The following MAU2 variants were observed in gnomAD, a reference collection of about 807,000 sequenced individuals.
MAU2 encodes the protein MAU2 sister chromatid cohesion factor.
In MAU2, 9 loss-of-function variants were observed where a neutral mutation model predicts 89.1. That is an observed-to-expected ratio of 0.10 (90% CI 0.06 to 0.18). MAU2 has a LOEUF of 0.18. MAU2 is among the 10% of genes least tolerant of loss of function. The probability of loss-of-function intolerance (pLI) is 1.00; values close to 1 mark genes in which losing one functional copy is unlikely to be tolerated. For synonymous variants in MAU2, 357 were observed against 343.4 expected, an observed-to-expected ratio of 1.04 and a Z score of -0.44; for missense variants, 425 against 803.5, an observed-to-expected ratio of 0.53 and a Z score of 5.69.
chr19:19,335,615 C>T, intron 1 of MAU2, 103 bp from the exon 2 acceptor site: 3 of 1,164,594 alleles, frequency 2.6e-6, no homozygotes, highest in Non-Finnish European at 3.9e-6. Context: ...GGATACCTGG[C>T]AGCCTCTGTT....
At chr19:19,321,216 G>T (rs1372982432) in intron 1 of MAU2, 81 bp downstream of exon 1, 9 of 1,389,838 alleles carry the variant, frequency 6.5e-6, no homozygotes, top group East Asian at 2.9e-5. Context: ...CGCGGCGGGT[G>T]GGGGGCCGCT....
chr19:19,347,562 G>C (rs1404133486), intron 13 of MAU2, 196 bp downstream of exon 13: 5 of 565,642 alleles, frequency 8.8e-6, no homozygotes, highest in Non-Finnish European at 1.6e-5. Flanking sequence ...GGCCAGGTCT[G>C]GGACAAAAAC....
chr19:19,338,818 A>C lies in MAU2; in HGVS notation c.457-27A>C, dbSNP rs773540131. The C allele has an allele frequency of 3.2e-6, 5 of 1,575,168 alleles. No individual in the cohort carries two copies. In the Admixed American group the frequency reaches 8.7e-5, roughly 27 times the overall value. Reference sequence around the variant, plus strand: ...CGTAAAACTGATGGGTTTGGCAGCAAAGGTCACTGCTCTCTTTCCTTTTTA... The same window carrying C: ...CGTAAAACTGATGGGTTTGGCAGCACAGGTCACTGCTCTCTTTCCTTTTTA... On this transcript the variant is annotated intron_variant, in intron 4 of 18. Transcript: ENST00000262815.
chr19:19,322,499 T>A (rs2061469525), intron 1 of MAU2, among the ~76,000 whole-genome samples: 1 of 152,174 alleles, frequency 6.6e-6, no homozygotes, highest in Non-Finnish European at 1.5e-5. Flanking sequence ...CTCCAGAGGC[T>A]GAGGTGGGAG....
chr19:19,349,308 C>T lies in MAU2; in HGVS notation c.1437-17C>T, dbSNP rs1209361195. The T allele has an allele frequency of 1.2e-6, 2 of 1,613,986 alleles. No individual in the cohort carries two copies. The highest frequency in any genetic ancestry group is 4.5e-5 in the East Asian group (2 of 44,882). ...GCCCCGTCCTGCAGTTATCAGCGTC[C>T]ATGTTCTCCTTGTCAGGCGATTTCT... is the stretch of plus-strand genomic sequence containing the variant. On this transcript the variant is annotated splice_polypyrimidine_tract_variant and intron_variant, in intron 15 of 18. Coordinates refer to ENST00000262815, the MANE Select transcript of MAU2 (RefSeq NM_015329.4).
chr19:19,330,311 C>T (rs1420959419), intron 1 of MAU2, among the ~76,000 whole-genome samples: 1 of 151,480 alleles, frequency 6.6e-6, no homozygotes, highest in Non-Finnish European at 1.5e-5. Context: ...AAAACAACAA[C>T]AGGCCAGGCA....
Position 19,330,029 on chromosome 19 carries a change from G to A in MAU2, c.277-5689G>A, listed in dbSNP as rs527924090. Among the ~76,000 whole-genome samples the A allele has an allele frequency of 9.0e-4, 136 of 151,510 alleles. 1 individual carries two copies. Among genetic ancestry groups the A allele is most frequent in the African/African-American group, 3.1e-3 (128 of 41,388 alleles). ...AAGTCTCACTCTGTCACCCAGGCTGGAGTGCAGTGGCGCAATCTTAGCTCC... is the reference window on the plus strand; with the variant it reads ...AAGTCTCACTCTGTCACCCAGGCTGAAGTGCAGTGGCGCAATCTTAGCTCC... On this transcript the variant is annotated intron_variant, in intron 1 of 18. Transcript: ENST00000262815.
At chr19:19,347,008 CA>C (rs2061698444) in intron 12 of MAU2, 2 of 420,914 alleles carry the variant, frequency 4.8e-6, no homozygotes, top group Non-Finnish European at 4.3e-6. Context: ...GAAAATGGAC[CA>C]AAACCCGACA....
intron 1 of MAU2, among the ~76,000 whole-genome samples, chr19:19,330,667 G>A (rs1447331825): frequency 6.6e-6 from 1 of 152,136 alleles, no homozygotes; most frequent in Non-Finnish European, 1.5e-5. Flanking sequence ...TTGAACCCGG[G>A]AGCCGGAGGG....
intron 10 of MAU2, chr19:19,344,181 G>T: frequency 2.1e-6 from 1 of 484,000 alleles, no homozygotes. Flanking sequence ...GGAGGCCGAG[G>T]CGGGTGGATC....
At chr19:19,332,161 T>C (rs1477583093) in intron 1 of MAU2, among the ~76,000 whole-genome samples, 1 of 152,118 alleles carries the variant, frequency 6.6e-6, no homozygotes, top group Non-Finnish European at 1.5e-5. Context: ...TCAAACATCA[T>C]GGGGCTTTTT....
intron 1 of MAU2, chr19:19,334,562 C>G: frequency 1.0e-6 from 1 of 985,630 alleles, no homozygotes; most frequent in Non-Finnish European, 1.2e-6. Context: ...TGAATACTCT[C>G]TGCTGCATCC....
chr19:19,327,394 C>G (rs1240942354), intron 1 of MAU2, among the ~76,000 whole-genome samples: 1 of 151,880 alleles, frequency 6.6e-6, no homozygotes, highest in Non-Finnish European at 1.5e-5. Flanking sequence ...GGCGCGATCT[C>G]GGCTCACTGC....
intron 1 of MAU2, among the ~76,000 whole-genome samples, chr19:19,324,292 G>A (rs568148247): frequency 4.7e-4 from 72 of 152,262 alleles, no homozygotes; most frequent in African/African-American, 1.6e-3. Context: ...AGAACCACTC[G>A]GGGGGTCAGG....
intron 13 of MAU2, chr19:19,348,609 C>T: frequency 1.7e-6 from 1 of 572,756 alleles, no homozygotes; most frequent in East Asian, 3.0e-5. Flanking sequence ...CCAGGCCAGC[C>T]CCTCAGCACC....
chr19:19,342,461 A>G, intron 7 of MAU2, 74 bp from the exon 8 acceptor site: 3 of 1,495,718 alleles, frequency 2.0e-6, no homozygotes, highest in Middle Eastern at 2.0e-4. Context: ...AGGAAGGAGC[A>G]GGGGTGGCTG....
chr19:19,347,595 T>C lies in MAU2; in HGVS notation c.1308+229T>C, dbSNP rs1350758754. On this transcript the variant is annotated intron_variant, in intron 13 of 18. Coordinates refer to ENST00000262815, the MANE Select transcript of MAU2 (RefSeq NM_015329.4). ...AACATTCCCATAGCCACAGAACACT[T>C]CTCTTTATCACAAACAAACCAAGCT... The C allele has an allele frequency of 2.6e-5, 13 of 505,712 alleles. No individual in the cohort carries two copies. In the East Asian group the frequency reaches 4.3e-4, roughly 17 times the overall value. The allele number at this position is 505,712 out of a possible 1,614,324, so 31.3% of individuals were successfully genotyped here.
rs1167551242 is a variant in MAU2, at chr19:19,355,913, G to T, written c.*131G>T. ...TAGAGCTTCCAAGTCCTGGGAATGT[G>T]CGGGGCCAGTCCCTGCCCTCCCAGG... On this transcript the variant is annotated 3_prime_UTR_variant, in exon 19 of 19. Coordinates refer to ENST00000262815, the MANE Select transcript of MAU2 (RefSeq NM_015329.4). 3 of 906,448 alleles carry T rather than the reference G, an allele frequency of 3.3e-6. 1 individual carries two copies. In the Middle Eastern group the frequency reaches 6.3e-4, roughly 191 times the overall value. The allele number at this position is 906,448 out of a possible 1,614,324, so 56.2% of individuals were successfully genotyped here.
At chr19:19,325,998 C>A (rs2061500915) in intron 1 of MAU2, among the ~76,000 whole-genome samples, 1 of 126,830 alleles carries the variant, frequency 7.9e-6, no homozygotes, top group South Asian at 2.8e-4. Context: ...TCCTCAACTG[C>A]ATTTTTTTTT....
Sources: gnomAD v4.1 joint callset for allele counts (sites outside exome capture counted in the v4.1 genomes callset) on GRCh38, gnomAD v4.1.1 for gene constraint, MANE v1.5 for transcripts, NCBI Gene and HGNC (gene_info 2026-07-23, HGNC 2026-07-21) for gene names.